FLT3: variants seen among roughly 807,000 people sequenced by gnomAD.
FLT3 encodes receptor-type tyrosine-protein kinase FLT3.
Under a neutral mutation model 126.6 loss-of-function variants are expected in FLT3, and 46 were observed. The ratio of observed to expected loss-of-function variants is 0.36; its 90% CI spans 0.29 to 0.46. The LOEUF is 0.46. FLT3 is among the 20% of genes least tolerant of loss of function. FLT3 has a pLI of 1.00. For synonymous variants in FLT3, 404 were observed against 434.4 expected (o/e 0.93, Z 0.87); for missense variants, 1,069 against 1,190.3 (o/e 0.90, Z 1.50).
At chr13:28,091,437 G>A (rs1331428947) in intron 1 of FLT3, among the ~76,000 whole-genome samples, 1 of 150,118 alleles carries the variant, frequency 6.7e-6, no homozygotes, top group Non-Finnish European at 1.5e-5. Flanking sequence ...TAGCCAGGAT[G>A]GTCTCGATCT....
intron 1 of FLT3, among the ~76,000 whole-genome samples, chr13:28,098,396 C>G (rs1879612177): frequency 6.6e-6 from 1 of 151,122 alleles, no homozygotes; most frequent in African/African-American, 2.4e-5. Context: ...GAATTTAAGG[C>G]TATTAACCAT....
At chr13:28,016,178 G>A (rs1871838586) in intron 20 of FLT3, among the ~76,000 whole-genome samples, 1 of 152,096 alleles carries the variant, frequency 6.6e-6, no homozygotes, top group Admixed American at 6.6e-5. Flanking sequence ...ATTTCCACTA[G>A]CATGAAAGGG....
intron 2 of FLT3, among the ~76,000 whole-genome samples, chr13:28,069,035 G>A (rs981098477): frequency 1.1e-4 from 17 of 152,140 alleles, no homozygotes; most frequent in African/African-American, 3.4e-4. Flanking sequence ...AAACAAAGTC[G>A]GAACTTGAAG....
At chr13:28,084,272 C>A (rs994628439) in intron 1 of FLT3, among the ~76,000 whole-genome samples, 1 of 151,966 alleles carries the variant, frequency 6.6e-6, no homozygotes, top group Non-Finnish European at 1.5e-5. Flanking sequence ...GGATTACATG[C>A]GCAAGCTACT....
intron 1 of FLT3, among the ~76,000 whole-genome samples, chr13:28,083,056 G>A (rs1364893418): frequency 6.6e-6 from 1 of 150,850 alleles, no homozygotes; most frequent in African/African-American, 2.4e-5. Flanking sequence ...GCCCAGTCTG[G>A]TGTTGGTCTC....
chr13:28,068,835 C>G (rs1172128807), intron 2 of FLT3, among the ~76,000 whole-genome samples: 1 of 152,138 alleles, frequency 6.6e-6, no homozygotes, highest in African/African-American at 2.4e-5. Flanking sequence ...CCTTGGCCTC[C>G]CAAAGTGCTG....
chr13:28,015,974 A>G (rs1001670919), intron 20 of FLT3, among the ~76,000 whole-genome samples: 9 of 152,192 alleles, frequency 5.9e-5, no homozygotes, highest in Non-Finnish European at 8.8e-5. Flanking sequence ...TTCCACTGGA[A>G]AGAGGTACTT....
chr13:28,061,353 G>C (rs1027870518), intron 3 of FLT3, among the ~76,000 whole-genome samples: 2 of 11,004 alleles, frequency 1.8e-4, no homozygotes, highest in Non-Finnish European at 8.9e-4. Flanking sequence ...GAGATAGTTC[G>C]CATTAGGGTT....
At chr13:28,098,314 CA>C (rs55675449) in intron 1 of FLT3, among the ~76,000 whole-genome samples, 1,398 of 85,270 alleles carry the variant, frequency 0.016, 13 homozygotes, top group African/African-American at 0.033. Context: ...GACTCCGTCT[CA>C]AAAAAAAAAA....
chr13:28,019,876 G>A (rs1312418642), intron 19 of FLT3, among the ~76,000 whole-genome samples: 2 of 152,034 alleles, frequency 1.3e-5, no homozygotes, highest in Non-Finnish European at 1.5e-5. Context: ...CTTTGTGCAC[G>A]AGCCTACTCT....
intron 1 of FLT3, among the ~76,000 whole-genome samples, chr13:28,093,089 C>T (rs1879227620): frequency 6.6e-6 from 1 of 151,536 alleles, no homozygotes; most frequent in Non-Finnish European, 1.5e-5. Context: ...ATCTGGCTAA[C>T]TTTTTTTGTA....
chr13:28,011,733 CTTCT>C (rs1476295246), intron 23 of FLT3, among the ~76,000 whole-genome samples: 54 of 129,980 alleles, frequency 4.2e-4, no homozygotes, highest in South Asian at 1.4e-3. Context: ...TTCTCTCTTT[CTTCT>C]TTCTTTTTTT....
At chr13:28,073,908 C>G (rs943983008) in intron 1 of FLT3, among the ~76,000 whole-genome samples, 4 of 148,324 alleles carry the variant, frequency 2.7e-5, no homozygotes, top group African/African-American at 1.0e-4. Flanking sequence ...CCTCTGCACT[C>G]CAGCCTGGGC....
intron 5 of FLT3, 44 bp from the exon 6 acceptor site, chr13:28,050,266 A>T: frequency 1.3e-6 from 2 of 1,597,446 alleles, no homozygotes; most frequent in Non-Finnish European, 1.7e-6. Context: ...CAAGTTTTAA[A>T]ATTACAAATG....
rs953112385 is a variant in FLT3 at position 28,061,752 on chromosome 13, C to CAG, written c.368+113_368+114dup. ...TGCCACTCTACTCCAGCCTGGGTGA[C>CAG]AGAGAGAGACCCTGACTCACAAAAA... On this transcript the variant is annotated intron_variant, in intron 3 of 23. Transcript: ENST00000241453. The CAG allele has an allele frequency of 1.9e-5, 14 of 742,728 alleles. No individual in the cohort carries two copies. The Admixed American group carries it at 2.1e-4, about 11-fold the overall frequency. The allele number at this position is 742,728 out of a possible 1,614,324, so 46.0% of individuals were successfully genotyped here.
At chr13:28,033,444 G>T (rs1030481186) in intron 15 of FLT3, among the ~76,000 whole-genome samples, 1 of 152,154 alleles carries the variant, frequency 6.6e-6, no homozygotes, top group Non-Finnish European at 1.5e-5. Context: ...CGGGCAGATA[G>T]TTTGAGCTCA....
Position 28,033,954 on chromosome 13 carries a change from C to T in FLT3, c.1875G>A (p.Met625Ile). ...TGCTAATTCCATAAGCTGTTGCGTT[C>T]ATCACTTTTCCAAAAGCACCTGATC... The part of the protein sequence containing the change: ...VLGSGAFGKV[M>I]NATAYGISKT... The change falls in exon 15 of 24, where the codon ATG becomes ATA. Residue 625 changes from methionine to isoleucine, a missense_variant. By Grantham distance (10) the Met-to-Ile change is conservative. Transcript: ENST00000241453. 6.2e-7 allele frequency: 1 copy of T among 1,614,188 alleles called. No individual in the cohort carries two copies. Among genetic ancestry groups the T allele is most frequent in the Middle Eastern group, 1.7e-4 (1 of 6,060 alleles).
At chr13:28,043,800 G>T (rs1311193906) in intron 9 of FLT3, among the ~76,000 whole-genome samples, 2 of 152,002 alleles carry the variant, frequency 1.3e-5, no homozygotes, top group African/African-American at 4.8e-5. Context: ...GGGCAATATA[G>T]CAAGACCCTG....
intron 1 of FLT3, among the ~76,000 whole-genome samples, chr13:28,093,355 C>T (rs1443451395): frequency 1.3e-5 from 2 of 152,058 alleles, no homozygotes; most frequent in African/African-American, 4.8e-5. Flanking sequence ...GACCAACCAT[C>T]CAGAGACTCT....
Sources: allele counts gnomAD v4.1 joint callset (sites outside exome capture counted in the v4.1 genomes callset), GRCh38; gene constraint gnomAD v4.1.1; transcripts MANE v1.5; gene names NCBI Gene and HGNC (gene_info 2026-07-23, HGNC 2026-07-21).